Variants in MYT1L observed in about 807,000 individuals in gnomAD.
MYT1L encodes myelin transcription factor 1 like, also known as myelin transcription factor 1-like protein.
MYT1L carries 12 observed loss-of-function variants against 126.7 expected under a neutral mutation model. The ratio of observed to expected loss-of-function variants is 0.09; its 90% CI spans 0.06 to 0.15. The LOEUF is 0.15. Among genes scored for constraint, MYT1L ranks in the 10% least tolerant of loss-of-function variants. The pLI is 1.00. For missense variants in MYT1L, 979 were observed against 1,585.2 expected (o/e 0.62, Z 6.49); for synonymous variants, 541 against 604.2 (o/e 0.90, Z 1.53).
chr2:2,049,819 G>A (rs921708725), intron 4 of MYT1L, among the ~76,000 whole-genome samples: 5 of 152,082 alleles, frequency 3.3e-5, no homozygotes, highest in South Asian at 2.1e-4. Context: ...CATGGCTTTC[G>A]CCTTCTGCCA....
At chr2:1,866,565 A>T (rs1454819010) in intron 18 of MYT1L, among the ~76,000 whole-genome samples, 1 of 72,666 alleles carries the variant, frequency 1.4e-5, no homozygotes, top group Non-Finnish European at 2.7e-5. Context: ...GGGAGAGGGA[A>T]GGGGAGAGAG....
intron 2 of MYT1L, among the ~76,000 whole-genome samples, chr2:2,255,898 T>C (rs1449963232): frequency 6.6e-6 from 1 of 152,176 alleles, no homozygotes; most frequent in Non-Finnish European, 1.5e-5. Context: ...GTGATGAAAG[T>C]TGTGAACACC....
At chr2:1,986,807 C>T (rs2061063733) in intron 5 of MYT1L, among the ~76,000 whole-genome samples, 1 of 152,132 alleles carries the variant, frequency 6.6e-6, no homozygotes, top group Admixed American at 6.5e-5. Flanking sequence ...AGTGGTGAAG[C>T]TTTGTTGTTC....
chr2:2,262,939 G>GATATATATATATATATATAT lies in MYT1L; in HGVS notation c.-421+21464_-421+21465insATATATATATATATATATAT, dbSNP rs60682131. Among the ~76,000 whole-genome samples, 485 of 50,094 alleles carry GATATATATATATATATATAT rather than the reference G, an allele frequency of 9.7e-3. 16 individuals carry two copies. Among genetic ancestry groups the GATATATATATATATATATAT allele is most frequent in the Middle Eastern group, 0.028 (3 of 106 alleles). The allele number at this position is 50,094 out of a possible 152,430, so 32.9% of individuals were successfully genotyped here. A position where few individuals can be genotyped will look rare whatever the true frequency, so the allele number is the denominator to read the frequency against. ...AAATATATATATATATATAACCTGT[G>GATATATATATATATATATAT]ATATATATATATATATCACAGGTAA... is the stretch of plus-strand genomic sequence containing the variant. On this transcript the variant is annotated intron_variant, in intron 2 of 24. Coordinates refer to ENST00000647738, the MANE Select transcript of MYT1L (RefSeq NM_001303052.2).
At chr2:2,314,447 A>G (rs976583026) in intron 1 of MYT1L, among the ~76,000 whole-genome samples, 1 of 152,152 alleles carries the variant, frequency 6.6e-6, no homozygotes, top group Non-Finnish European at 1.5e-5. Context: ...CATGTATCCA[A>G]ATTAAACTGG....
chr2:1,819,301 C>G (rs1435053245), intron 21 of MYT1L, among the ~76,000 whole-genome samples: 1 of 152,260 alleles, frequency 6.6e-6, no homozygotes, highest in East Asian at 1.9e-4. Context: ...CTCCTGTCCT[C>G]AAGCACAGTC....
intron 21 of MYT1L, among the ~76,000 whole-genome samples, chr2:1,819,327 T>C (rs147313733): frequency 5.9e-5 from 9 of 152,326 alleles, no homozygotes; most frequent in African/African-American, 1.9e-4. Context: ...AGGAGGGTCA[T>C]GACAATGCTA....
intron 3 of MYT1L, among the ~76,000 whole-genome samples, chr2:2,101,371 C>T (rs756896854): frequency 1.3e-5 from 2 of 151,994 alleles, no homozygotes; most frequent in African/African-American, 4.8e-5. Context: ...CTTTGGAACC[C>T]CATTAAAATA....
chr2:2,246,265 T>C (rs1376939008), intron 2 of MYT1L, among the ~76,000 whole-genome samples: 1 of 151,808 alleles, frequency 6.6e-6, no homozygotes, highest in East Asian at 1.9e-4. Flanking sequence ...GTGGAGAGCT[T>C]CGCCTGCCAC....
At chr2:2,090,503 C>A (rs1406290706) in intron 3 of MYT1L, among the ~76,000 whole-genome samples, 4 of 152,168 alleles carry the variant, frequency 2.6e-5, no homozygotes, top group Non-Finnish European at 5.9e-5. Flanking sequence ...GTTGTCATCT[C>A]TTTGCTGGTG....
chr2:1,988,173 G>T (rs1231144694), intron 5 of MYT1L, among the ~76,000 whole-genome samples: 1 of 151,816 alleles, frequency 6.6e-6, no homozygotes, highest in Non-Finnish European at 1.5e-5. Flanking sequence ...CCTCCCGCCA[G>T]CCCAGCTGCA....
chr2:2,164,450 G>T (rs1269368380), intron 3 of MYT1L, among the ~76,000 whole-genome samples: 1 of 152,124 alleles, frequency 6.6e-6, no homozygotes, highest in Non-Finnish European at 1.5e-5. Context: ...AAACACGTGG[G>T]GATCATGACA....
intron 9 of MYT1L, among the ~76,000 whole-genome samples, chr2:1,940,166 C>T (rs182669386): frequency 1.1e-3 from 172 of 152,250 alleles, no homozygotes; most frequent in African/African-American, 4.0e-3. Flanking sequence ...CTGTCTCACA[C>T]TGGTAGCAGG....
chr2:1,842,003 T>C (rs1389721128), intron 19 of MYT1L: 1 of 152,160 alleles, frequency 6.6e-6, no homozygotes, highest in East Asian at 1.9e-4. Context: ...CATAAAATAA[T>C]ACATAAAACA....
At chr2:2,053,023 G>A (rs1270297665) in intron 4 of MYT1L, among the ~76,000 whole-genome samples, 1 of 152,214 alleles carries the variant, frequency 6.6e-6, no homozygotes, top group Non-Finnish European at 1.5e-5. Context: ...TAGCTGAAAG[G>A]TGGAGGCAGC....
At chr2:2,109,690 A>G (rs1352171411) in intron 3 of MYT1L, among the ~76,000 whole-genome samples, 2 of 151,834 alleles carry the variant, frequency 1.3e-5, no homozygotes, top group Admixed American at 6.6e-5. Context: ...AAGTCTCTAG[A>G]ACAAGTATTT....
intron 5 of MYT1L, among the ~76,000 whole-genome samples, chr2:1,982,178 G>A (rs114925634): frequency 0.013 from 1,957 of 152,304 alleles, 28 homozygotes; most frequent in East Asian, 0.057. Flanking sequence ...GAGATGAACT[G>A]AGAGTCAAGA....
At chr2:2,277,736 A>G (rs1384495054) in intron 2 of MYT1L, among the ~76,000 whole-genome samples, 1 of 152,244 alleles carries the variant, frequency 6.6e-6, no homozygotes, top group African/African-American at 2.4e-5. Flanking sequence ...AAATGGTCAT[A>G]TAACAATTGT....
rs1299237254 is a variant in MYT1L at position 1,848,916 on chromosome 2, C to A, written c.2774+2725G>T. Among the ~76,000 whole-genome samples the A allele has an allele frequency of 6.6e-6, 1 of 152,168 alleles. No homozygotes were observed. The highest frequency in any genetic ancestry group is 1.5e-5 in the Non-Finnish European group (1 of 68,034). ...GTGCTCCACCTTCAGTACGCTAAAACCCCGAGAGGGCTCTGTCTAGGTCTC... is the reference window on the plus strand; with the variant it reads ...GTGCTCCACCTTCAGTACGCTAAAAACCCGAGAGGGCTCTGTCTAGGTCTC... On this transcript the variant is annotated intron_variant, in intron 19 of 24. Transcript: ENST00000647738. The surrounding 1 kb of genome is among the most constrained non-coding windows in gnomAD (Gnocchi z 4.8).
Sources: gnomAD v4.1 joint callset for allele counts (sites outside exome capture counted in the v4.1 genomes callset) on GRCh38, gnomAD v4.1.1 for gene constraint, Gnocchi (gnomAD v3.1) non-coding constraint, MANE v1.5 for transcripts, NCBI Gene and HGNC (gene_info 2026-07-23, HGNC 2026-07-21) for gene names.